Variants in PRMT8 observed in about 807,000 individuals in gnomAD.
The protein encoded by PRMT8 is protein arginine N-methyltransferase 8.
Under a neutral mutation model 47.1 loss-of-function variants are expected in PRMT8, and 7 were observed. That is an observed-to-expected ratio of 0.15 (90% CI 0.08 to 0.28). The LOEUF (loss-of-function observed/expected upper bound fraction) is 0.28. Ranked by LOEUF, PRMT8 falls within the 10% of genes least tolerant of loss-of-function variation. The pLI, the probability that PRMT8 is intolerant of heterozygous loss-of-function variation, is 1.00. For synonymous variants in PRMT8, 188 were observed against 186.5 expected, an observed-to-expected ratio of 1.01 and a Z score of -0.07; for missense variants, 237 against 505.4, an observed-to-expected ratio of 0.47 and a Z score of 5.09.
chr12:3,550,196 T>G lies in PRMT8; in HGVS notation c.417+105T>G. 7.0e-7 allele frequency: 1 copy of G among 1,432,640 alleles called. No individual in the cohort carries two copies. Among genetic ancestry groups the G allele is most frequent in the South Asian group, 1.3e-5 (1 of 77,856 alleles). 88.7% of individuals were successfully genotyped at this position (1,432,640 alleles called of 1,614,324 possible). On this transcript the variant is annotated intron_variant, in intron 3 of 9. Transcript: ENST00000382622. The surrounding 1 kb of genome is among the most constrained non-coding windows in gnomAD (Gnocchi z 5.1). ...AGTACAAAATTTGGTCCATCTCTTT[T>G]GCTGGGGTCACACCTTCGAGGAGTA...
At chr12:3,477,679 G>A (rs555916106) in intron 1 of PRMT8, among the ~76,000 whole-genome samples, 3 of 152,212 alleles carry the variant, frequency 2.0e-5, no homozygotes, top group African/African-American at 4.8e-5. Flanking sequence ...AACCTTTTCC[G>A]ATTGTTGGTG....
intron 1 of PRMT8, among the ~76,000 whole-genome samples, chr12:3,460,741 T>C (rs1393924931): frequency 1.3e-5 from 2 of 152,214 alleles, no homozygotes; most frequent in African/African-American, 2.4e-5. Flanking sequence ...GGTTTCAAAC[T>C]TGGGGCTGTC....
At chr12:3,450,734 ACTT>A (rs1864907420) in intron 1 of PRMT8, among the ~76,000 whole-genome samples, 1 of 152,232 alleles carries the variant, frequency 6.6e-6, no homozygotes, top group Non-Finnish European at 1.5e-5. Context: ...TTTTATGTGA[ACTT>A]CTCTTATTGT....
intron 7 of PRMT8, among the ~76,000 whole-genome samples, chr12:3,579,499 G>A (rs1867012024): frequency 6.6e-6 from 1 of 152,118 alleles, no homozygotes; most frequent in Non-Finnish European, 1.5e-5. Context: ...GAAAACTCCC[G>A]GGGCTCTGGT....
At chr12:3,578,515 G>T (rs1022017507) in intron 7 of PRMT8, among the ~76,000 whole-genome samples, 2 of 152,000 alleles carry the variant, frequency 1.3e-5, no homozygotes, top group African/African-American at 4.8e-5. Flanking sequence ...GTGCTACCAC[G>T]CCCAGCCCAG....
intron 1 of PRMT8, among the ~76,000 whole-genome samples, chr12:3,417,545 G>T (rs1864495975): frequency 1.3e-5 from 2 of 152,174 alleles, no homozygotes; most frequent in African/African-American, 4.8e-5. Context: ...GTTTGGGGAG[G>T]GTGAGAAAGA....
chr12:3,412,405 G>A (rs1186196293), intron 1 of PRMT8, among the ~76,000 whole-genome samples: 1 of 152,106 alleles, frequency 6.6e-6, no homozygotes, highest in Non-Finnish European at 1.5e-5. Context: ...ACTACACTTA[G>A]GCTACATTAA....
At chr12:3,433,276 C>T (rs541259523) in intron 1 of PRMT8, among the ~76,000 whole-genome samples, 1 of 152,230 alleles carries the variant, frequency 6.6e-6, no homozygotes, top group African/African-American at 2.4e-5. Context: ...ATGCCCATTG[C>T]AGTATTGTTT....
chr12:3,397,662 T>C (rs1456941714), intron 1 of PRMT8, among the ~76,000 whole-genome samples: 5 of 152,164 alleles, frequency 3.3e-5, no homozygotes, highest in East Asian at 3.9e-4. Context: ...TGCTGTCTTT[T>C]TGTTTGTCTG....
At chr12:3,537,601 C>G (rs1051018450) in intron 1 of PRMT8, among the ~76,000 whole-genome samples, 1 of 152,004 alleles carries the variant, frequency 6.6e-6, no homozygotes, top group Admixed American at 6.6e-5. Flanking sequence ...TCATTATTTC[C>G]CCCCACCCCA....
At position 3,586,663 on chromosome 12, in the gene PRMT8, C is replaced by T. The variant is rs149423793; in HGVS notation, c.979+3455C>T. Among the ~76,000 whole-genome samples, 1,060 of 152,216 alleles carry T rather than the reference C, an allele frequency of 7.0e-3. 10 individuals carry two copies. Among genetic ancestry groups the T allele is most frequent in the Middle Eastern group, 0.02 (6 of 294 alleles). Reference sequence around the variant, plus strand: ...AGAAACTCTGGGGGTGGGGGCCAGCCGTCTGTGTCTTAACAAGACCTCCAG... The same window carrying T: ...AGAAACTCTGGGGGTGGGGGCCAGCTGTCTGTGTCTTAACAAGACCTCCAG... On this transcript the variant is annotated intron_variant, in intron 8 of 9. Transcript: ENST00000382622.
Position 3,567,539 on chromosome 12 carries a change from G to A in PRMT8, c.482-1167G>A, listed in dbSNP as rs193094003. Among the ~76,000 whole-genome samples, 344 of 152,314 alleles carry A rather than the reference G, an allele frequency of 2.3e-3. 1 individual carries two copies. Among genetic ancestry groups the A allele is most frequent in the Non-Finnish European group, 3.8e-3 (257 of 68,026 alleles). On this transcript the variant is annotated intron_variant, in intron 4 of 9. Transcript: ENST00000382622. ...CCTAACATAGGGGTGGGGGCCTTGA[G>A]AAGAGTTTTAGAGTCATGTCATATC...
Position 3,552,916 on chromosome 12 carries a change from G to A in PRMT8, c.418-735G>A. On this transcript the variant is annotated intron_variant, in intron 3 of 9. Transcript: ENST00000382622. The surrounding 1 kb of genome is among the most constrained non-coding windows in gnomAD (Gnocchi z 4.5). ...GAGGTGAGGACGGCTCTTGGCAGCT[G>A]CCCCTCCATGTCCAGAACCCCTGGC... 2.7e-6 allele frequency: 1 copy of A among 371,632 alleles called. No homozygotes were observed. The highest frequency in any genetic ancestry group is 2.0e-5 in the South Asian group (1 of 50,692). 23.0% of individuals were successfully genotyped at this position (371,632 alleles called of 1,614,324 possible). A position where few individuals can be genotyped will look rare whatever the true frequency, so the allele number is the denominator to read the frequency against.
At position 3,409,657 on chromosome 12, in the gene PRMT8, A is replaced by C. The variant is rs999848207; in HGVS notation, c.48+28215A>C. Reference sequence around the variant, plus strand: ...GGGGGTGAGGTGTCCCATCTCAGTCAATGCTCTGTTTTCCTGGGATGTGGG... The same window carrying C: ...GGGGGTGAGGTGTCCCATCTCAGTCCATGCTCTGTTTTCCTGGGATGTGGG... On this transcript the variant is annotated intron_variant, in intron 1 of 9. Transcript: ENST00000452611. The surrounding 1 kb of genome is among the most constrained non-coding windows in gnomAD (Gnocchi z 4.4). 1.3e-4 allele frequency among the ~76,000 whole-genome samples: 20 copies of C among 152,044 alleles called. No individual in the cohort carries two copies. Among genetic ancestry groups the C allele is most frequent in the Admixed American group, 4.6e-4 (7 of 15,268 alleles).
Position 3,547,761 on chromosome 12 carries a change from A to G in PRMT8, c.262-2175A>G, listed in dbSNP as rs568955712. ...TATACAACATTCCAGAGATAAATGA[A>G]AGATCTACATAAATGGAGAGCTGCA... On this transcript the variant is annotated intron_variant, in intron 2 of 9. Coordinates refer to ENST00000382622, the MANE Select transcript of PRMT8 (RefSeq NM_019854.5). 1.4e-3 allele frequency among the ~76,000 whole-genome samples: 207 copies of G among 152,242 alleles called. 1 individual carries two copies. Among genetic ancestry groups the G allele is most frequent in the Non-Finnish European group, 2.5e-3 (171 of 68,000 alleles).
chr12:3,448,969 T>A (rs1329354337), intron 1 of PRMT8, among the ~76,000 whole-genome samples: 1 of 152,160 alleles, frequency 6.6e-6, no homozygotes, highest in Non-Finnish European at 1.5e-5. Flanking sequence ...CTCCCACTTA[T>A]AAGTGAGAAC....
intron 1 of PRMT8, among the ~76,000 whole-genome samples, chr12:3,526,432 C>T (rs541683779): frequency 1.9e-4 from 29 of 152,248 alleles, no homozygotes; most frequent in South Asian, 4.1e-4. Flanking sequence ...TTTTGAGGAA[C>T]GGTCATACTG....
chr12:3,489,833 ACGCG>A (rs1417633032), upstream of PRMT8, among the ~76,000 whole-genome samples: 10 of 118,940 alleles, frequency 8.4e-5, no homozygotes, highest in African/African-American at 3.8e-4. Context: ...ACACACACAC[ACGCG>A]CGCACACACA....
At chr12:3,414,192 A>G (rs1035855732) in intron 1 of PRMT8, among the ~76,000 whole-genome samples, 1 of 152,360 alleles carries the variant, frequency 6.6e-6, no homozygotes, top group South Asian at 2.1e-4. Flanking sequence ...ATAGTAGTCA[A>G]TCAGGAAAGG....
Sources: allele counts gnomAD v4.1 joint callset (sites outside exome capture counted in the v4.1 genomes callset), GRCh38; gene constraint gnomAD v4.1.1; non-coding constraint Gnocchi (gnomAD v3.1); transcripts MANE v1.5; gene names NCBI Gene and HGNC (gene_info 2026-07-23, HGNC 2026-07-21).